CDH18: variants seen among roughly 807,000 people sequenced by gnomAD.
The protein encoded by CDH18 is cadherin 18.
In CDH18, 31 loss-of-function variants were observed where a neutral mutation model predicts 67.9. The observed-to-expected ratio is 0.46, with a 90% CI of 0.34 to 0.62. The LOEUF (loss-of-function observed/expected upper bound fraction) is 0.62. Among genes scored for constraint, CDH18 ranks in the 20% least tolerant of loss-of-function variants. The pLI is 0.01. For synonymous variants in CDH18, 362 were observed against 347.2 expected (o/e 1.04, Z -0.48); for missense variants, 890 against 975.5 (o/e 0.91, Z 1.17).
intron 3 of CDH18, among the ~76,000 whole-genome samples, chr5:19,811,486 A>G (rs1778739282): frequency 6.6e-6 from 1 of 152,074 alleles, no homozygotes; most frequent in Admixed American, 6.6e-5. Context: ...GAAGGAACCA[A>G]TCCTGCTCAC....
chr5:19,729,827 C>T (rs1344288677), intron 4 of CDH18, among the ~76,000 whole-genome samples: 1 of 152,120 alleles, frequency 6.6e-6, no homozygotes, highest in East Asian at 1.9e-4. Flanking sequence ...TGCATATTAT[C>T]TCAAATTGAT....
At chr5:19,500,594 C>A (rs1743070374) in intron 11 of CDH18, among the ~76,000 whole-genome samples, 1 of 152,100 alleles carries the variant, frequency 6.6e-6, no homozygotes, top group African/African-American at 2.4e-5. Context: ...TTTCAATACT[C>A]AAAAATTGTA....
At chr5:20,070,108 T>G (rs1250700402) in intron 2 of CDH18, among the ~76,000 whole-genome samples, 3 of 152,196 alleles carry the variant, frequency 2.0e-5, no homozygotes, top group Non-Finnish European at 4.4e-5. Flanking sequence ...TACTGATGTT[T>G]TTACTGTATC....
At chr5:20,068,711 T>C (rs1743191568) in intron 2 of CDH18, among the ~76,000 whole-genome samples, 1 of 152,156 alleles carries the variant, frequency 6.6e-6, no homozygotes, top group Admixed American at 6.5e-5. Flanking sequence ...TGGTGAAATA[T>C]CTGTGACTTG....
intron 1 of CDH18, among the ~76,000 whole-genome samples, chr5:20,333,526 T>TACACACACACACAC (rs1452450309): frequency 7.6e-4 from 85 of 111,776 alleles, no homozygotes; most frequent in African/African-American, 2.2e-3. Flanking sequence ...AAACAATATA[T>TACACACACACACAC]ATACACACAC....
intron 1 of CDH18, among the ~76,000 whole-genome samples, chr5:20,379,497 C>G (rs1192428628): frequency 6.6e-6 from 1 of 152,018 alleles, no homozygotes; most frequent in African/African-American, 2.4e-5. Context: ...ATTTCAGGTA[C>G]CTCTATACAG....
intron 5 of CDH18, among the ~76,000 whole-genome samples, chr5:19,658,000 G>A (rs979892542): frequency 3.3e-5 from 5 of 152,046 alleles, no homozygotes; most frequent in Admixed American, 2.6e-4. Flanking sequence ...GGAAATTGAC[G>A]ATGCTTTGTA....
intron 3 of CDH18, among the ~76,000 whole-genome samples, chr5:19,805,343 C>A (rs1777929322): frequency 6.6e-6 from 1 of 152,186 alleles, no homozygotes; most frequent in African/African-American, 2.4e-5. Context: ...TATGATTTCA[C>A]TTCCACTTGA....
At chr5:20,091,534 A>T (rs1006279841) in intron 2 of CDH18, among the ~76,000 whole-genome samples, 1 of 152,004 alleles carries the variant, frequency 6.6e-6, no homozygotes, top group Non-Finnish European at 1.5e-5. Flanking sequence ...CAACAACAAA[A>T]ATCTCTAAAA....
At chr5:19,915,011 G>C (rs1791597532) in intron 2 of CDH18, among the ~76,000 whole-genome samples, 1 of 152,076 alleles carries the variant, frequency 6.6e-6, no homozygotes, top group South Asian at 2.1e-4. Flanking sequence ...CTATGTGATA[G>C]AGTTCCATAA....
intron 2 of CDH18, among the ~76,000 whole-genome samples, chr5:20,166,121 T>C (rs903756691): frequency 1.3e-5 from 2 of 151,926 alleles, no homozygotes; most frequent in Non-Finnish European, 2.9e-5. Context: ...TATACTCCTT[T>C]ACTTTAAACA....
intron 5 of CDH18, among the ~76,000 whole-genome samples, chr5:19,625,777 A>G (rs1236826591): frequency 1.3e-5 from 2 of 152,044 alleles, no homozygotes; most frequent in African/African-American, 4.8e-5. Context: ...GCACTGGGGT[A>G]GAGCCACAGA....
intron 2 of CDH18, among the ~76,000 whole-genome samples, chr5:20,062,929 A>G (rs1742625962): frequency 6.6e-6 from 1 of 151,748 alleles, no homozygotes; most frequent in Non-Finnish European, 1.5e-5. Context: ...ACCTCATTCT[A>G]AATTTATATT....
chr5:19,519,703 C>T lies in CDH18; in HGVS notation c.1512+954G>A, dbSNP rs140157549. On this transcript the variant is annotated intron_variant, in intron 10 of 12. Coordinates refer to ENST00000382275, the MANE Select transcript of CDH18 (RefSeq NM_004934.5). ...CCTGCAGGCTTGCTCCTCTTATTTG[C>T]TTGATGAAATAACTGGACATATTGG... Among the ~76,000 whole-genome samples, 487 of 152,204 alleles carry T rather than the reference C, an allele frequency of 3.2e-3. 1 individual carries two copies. Among genetic ancestry groups the T allele is most frequent in the Non-Finnish European group, 4.6e-3 (311 of 68,002 alleles).
At chr5:20,345,261 G>A (rs1173429852) in intron 1 of CDH18, among the ~76,000 whole-genome samples, 1 of 104,732 alleles carries the variant, frequency 9.5e-6, no homozygotes, top group East Asian at 3.8e-4. Flanking sequence ...TGTATATTGG[G>A]GTATATTGGG....
chr5:20,073,617 G>A (rs192921586), intron 2 of CDH18, among the ~76,000 whole-genome samples: 4 of 151,890 alleles, frequency 2.6e-5, no homozygotes, highest in East Asian at 1.9e-4. Context: ...GAGAGAGGCC[G>A]GTACATCAAA....
intron 2 of CDH18, among the ~76,000 whole-genome samples, chr5:20,011,775 A>C (rs1185574895): frequency 6.6e-6 from 1 of 152,054 alleles, no homozygotes; most frequent in Non-Finnish European, 1.5e-5. Flanking sequence ...TGTTGACCCA[A>C]TTTTGCATAC....
chr5:20,026,101 T>C (rs867771760), intron 2 of CDH18, among the ~76,000 whole-genome samples: 4 of 152,236 alleles, frequency 2.6e-5, no homozygotes, highest in African/African-American at 4.8e-5. Context: ...ATTCCTTAAG[T>C]AATTCAATAC....
intron 1 of CDH18, among the ~76,000 whole-genome samples, chr5:20,412,049 G>T (rs1746832135): frequency 6.6e-6 from 1 of 151,958 alleles, no homozygotes; most frequent in Admixed American, 6.6e-5. Flanking sequence ...AATTAATATG[G>T]TATCAAAAAA....
Sources: gnomAD v4.1 joint callset for allele counts (sites outside exome capture counted in the v4.1 genomes callset) on GRCh38, gnomAD v4.1.1 for gene constraint, MANE v1.5 for transcripts, NCBI Gene and HGNC (gene_info 2026-07-23, HGNC 2026-07-21) for gene names.